Variants in RPSA2 observed in about 807,000 individuals in gnomAD.
RPSA2 encodes the protein ribosomal protein SA 2.
chr19:23,823,538 A>G, the RPSA2 span, among the ~76,000 whole-genome samples: 1 of 152,048 alleles, frequency 6.6e-6, no homozygotes, highest in Non-Finnish European at 1.5e-5. Context: ...ACACACAGTC[A>G]CACACCGTCC....
chr19:23,855,678 T>G, the RPSA2 span, among the ~76,000 whole-genome samples: 1 of 151,784 alleles, frequency 6.6e-6, no homozygotes, highest in African/African-American at 2.4e-5. Flanking sequence ...GAAAGGGGCA[T>G]GGGGGAGCAG....
chr19:23,768,546 T>C, the RPSA2 span, among the ~76,000 whole-genome samples: 1 of 131,102 alleles, frequency 7.6e-6, no homozygotes, highest in African/African-American at 2.8e-5. Flanking sequence ...TTAAATGACA[T>C]GTTTATTGTC....
At chr19:23,807,747 T>C in the RPSA2 span, 42 of 309,540 alleles carry the variant, frequency 1.4e-4, no homozygotes, top group South Asian at 4.7e-4. Flanking sequence ...TTTTTTACTC[T>C]CTCATTTTGC....
chr19:23,775,070 TCCCC>T, the RPSA2 span, among the ~76,000 whole-genome samples: 1 of 152,192 alleles, frequency 6.6e-6, no homozygotes, highest in Non-Finnish European at 1.5e-5. Context: ...ATTCTGGCTC[TCCCC>T]TTTGTAGGAA....
At chr19:23,791,173 G>C in the RPSA2 span, among the ~76,000 whole-genome samples, 5 of 152,152 alleles carry the variant, frequency 3.3e-5, no homozygotes, top group Admixed American at 6.6e-5. Flanking sequence ...AAAAATTGTA[G>C]AGCACCCAGC....
At chr19:23,808,358 C>G in the RPSA2 span, among the ~76,000 whole-genome samples, 1 of 147,572 alleles carries the variant, frequency 6.8e-6, no homozygotes, top group Admixed American at 7.0e-5. Context: ...CAACTTCCGC[C>G]TCCCAGGTTC....
the RPSA2 span, among the ~76,000 whole-genome samples, chr19:23,816,331 T>C: frequency 6.6e-6 from 1 of 152,238 alleles, no homozygotes; most frequent in African/African-American, 2.4e-5. Context: ...AGACAGAGTT[T>C]TGCCACACTG....
the RPSA2 span, among the ~76,000 whole-genome samples, chr19:23,842,896 T>G: frequency 2.0e-5 from 3 of 152,278 alleles, no homozygotes; most frequent in Non-Finnish European, 2.9e-5. Context: ...TCACTCTAGA[T>G]TAATGATAAT....
At chr19:23,826,496 A>G in the RPSA2 span, among the ~76,000 whole-genome samples, 1 of 151,344 alleles carries the variant, frequency 6.6e-6, no homozygotes, top group African/African-American at 2.4e-5. Context: ...CCTGGCCACA[A>G]TTTTTTCTGT....
chr19:23,849,943 G>A, the RPSA2 span, among the ~76,000 whole-genome samples: 1 of 152,158 alleles, frequency 6.6e-6, no homozygotes, highest in African/African-American at 2.4e-5. Context: ...AAAGGAGAAA[G>A]GGAGAGGCCA....
the RPSA2 span, among the ~76,000 whole-genome samples, chr19:23,761,930 T>TCC: frequency 8.0e-4 from 102 of 127,366 alleles, 6 homozygotes; most frequent in East Asian, 1.8e-3. Flanking sequence ...CTTTTTTTTT[T>TCC]TTTTTGAGAT....
the RPSA2 span, among the ~76,000 whole-genome samples, chr19:23,801,210 G>C: frequency 6.6e-6 from 1 of 151,474 alleles, no homozygotes; most frequent in Non-Finnish European, 1.5e-5. Flanking sequence ...CAAAACAAAA[G>C]TTTCATTTGA....
chr19:23,807,918 T>TA, the RPSA2 span: 1 of 352,024 alleles, frequency 2.8e-6, no homozygotes, highest in African/African-American at 2.2e-5. Flanking sequence ...AGAGGAATGT[T>TA]ATGAAAACCT....
chr19:23,785,698 T>C, the RPSA2 span, among the ~76,000 whole-genome samples: 1 of 151,838 alleles, frequency 6.6e-6, no homozygotes, highest in Non-Finnish European at 1.5e-5. Context: ...AAAACCCAGG[T>C]GATGTTACTC....
the RPSA2 span, among the ~76,000 whole-genome samples, chr19:23,783,068 CT>C: frequency 7.4e-6 from 1 of 135,256 alleles, no homozygotes; most frequent in Non-Finnish European, 1.5e-5. Flanking sequence ...TGCCTGAGAT[CT>C]GCATGCATCA....
At chr19:23,778,549 A>AACC in the RPSA2 span, among the ~76,000 whole-genome samples, 1 of 152,100 alleles carries the variant, frequency 6.6e-6, no homozygotes, top group East Asian at 1.9e-4. Flanking sequence ...CCAATAGTAG[A>AACC]GATCGTGACC....
chr19:23,773,844 A>G, the RPSA2 span, among the ~76,000 whole-genome samples: 1 of 152,180 alleles, frequency 6.6e-6, no homozygotes, highest in Admixed American at 6.5e-5. Context: ...AATTTAGTTC[A>G]TCGTTGAAAT....
At chr19:23,866,575 T>C in the RPSA2 span, among the ~76,000 whole-genome samples, 4 of 136,186 alleles carry the variant, frequency 2.9e-5, no homozygotes, top group African/African-American at 8.1e-5. Flanking sequence ...AAGGAAATCA[T>C]TGGGCTCACC....
chr19:23,852,794 A>C, the RPSA2 span, among the ~76,000 whole-genome samples: 1 of 152,198 alleles, frequency 6.6e-6, no homozygotes, highest in Non-Finnish European at 1.5e-5. Flanking sequence ...ATAGTTACCC[A>C]AAAGTTTTTG....
Sources: allele counts gnomAD v4.1 joint callset (sites outside exome capture counted in the v4.1 genomes callset), GRCh38; gene constraint gnomAD v4.1.1; transcripts MANE v1.5; gene names NCBI Gene and HGNC (gene_info 2026-07-23, HGNC 2026-07-21).